Variants in PIK3CG observed in about 807,000 individuals in gnomAD.
PIK3CG encodes phosphatidylinositol-4,5-bisphosphate 3-kinase catalytic subunit gamma.
Under a neutral mutation model 102.3 loss-of-function variants are expected in PIK3CG, and 55 were observed. The ratio of observed to expected loss-of-function variants is 0.54; its 90% confidence interval spans 0.43 to 0.67. The LOEUF (loss-of-function observed/expected upper bound fraction) is 0.67, where lower values mean the gene tolerates loss of function less well. Among genes scored for constraint, PIK3CG ranks in the 30% least tolerant of loss-of-function variants. The pLI is 0.00. For synonymous variants in PIK3CG, 552 were observed against 540.0 expected, an observed-to-expected ratio of 1.02 and a Z score of -0.31; for missense variants, 1,258 against 1,391.8, an observed-to-expected ratio of 0.90 and a Z score of 1.53.
In PIK3CG at chr7:106,867,445, T is replaced by C. The variant is rs1313808720; in HGVS notation, c.-12-105T>C. ...AAAATACTTGGTCCCTCTGGGTCCC[T>C]GTGCACATGTACGCCGCCTATACCT... On this transcript the variant is annotated intron_variant, in intron 1 of 10. Coordinates refer to ENST00000496166, the MANE Select transcript of PIK3CG (RefSeq NM_001282426.2). The surrounding 1 kb of genome is among the most constrained non-coding windows in gnomAD (Gnocchi z 5.1). 1 of 1,024,656 alleles carries C rather than the reference T, an allele frequency of 9.8e-7. No individual in the cohort carries two copies. The highest frequency in any genetic ancestry group is 2.4e-5 in the East Asian group (1 of 41,608). 63.5% of individuals were successfully genotyped at this position (1,024,656 alleles called of 1,614,324 possible).
In PIK3CG at chr7:106,867,684, G is replaced by A. The variant is rs2116419112; in HGVS notation, c.123G>A (p.Glu41=). ...CCTCCATGGAGCTCATCCCCATCGA[G>A]TTCGTGCTGCCCACCAGCCAGCGCA... ...SLSSMELIPI[E]FVLPTSQRKC... The change falls in exon 2 of 11, where the codon GAG becomes GAA. Residue 41 remains glutamate (E), a synonymous_variant. Coordinates refer to ENST00000496166, the MANE Select transcript of PIK3CG (RefSeq NM_001282426.2). This position sits in a 1 kb window ranked among gnomAD's most constrained non-coding sequence, Gnocchi z 5.1. 6.2e-7 allele frequency: 1 copy of A among 1,613,328 alleles called. No individual in the cohort carries two copies. The highest frequency in any genetic ancestry group is 8.5e-7 in the Non-Finnish European group (1 of 1,180,000).
At chr7:106,882,917 CAAAAAA>C (rs552794683) in intron 7 of PIK3CG, 110 bp from the exon 8 acceptor site, 84 of 414,332 alleles carry the variant, frequency 2.0e-4, no homozygotes, top group Middle Eastern at 1.4e-3. Context: ...GCTCTCTGGT[CAAAAAA>C]AAAAAAAAAA....
rs571080689 is a variant in PIK3CG, at chr7:106,906,831, C to CTTTT, written c.*1458_*1461dup. The CTTTT allele has an allele frequency of 2.8e-5, 5 of 181,306 alleles. No homozygotes were observed. Among genetic ancestry groups the CTTTT allele is most frequent in the Admixed American group, 7.0e-5 (1 of 14,236 alleles). The allele number at this position is 181,306 out of a possible 1,614,324, so 11.2% of individuals were successfully genotyped here. A position where few individuals can be genotyped will look rare whatever the true frequency, so the allele number is the denominator to read the frequency against. Reference sequence around the variant, plus strand: ...GACTTTGAGGTAGTCCAGACCTTTTCTTTTTTTTTTTTTTTTTAATGTGTG... The same window carrying CTTTT: ...GACTTTGAGGTAGTCCAGACCTTTTCTTTTTTTTTTTTTTTTTTTTTAATGTGTG... On this transcript the variant is annotated 3_prime_UTR_variant, in exon 11 of 11. Transcript: ENST00000496166.
Position 106,905,598 on chromosome 7 carries a change from G to T in PIK3CG, c.*211G>T, listed in dbSNP as rs1791665947. 1.8e-6 allele frequency: 1 copy of T among 549,324 alleles called. No individual in the cohort carries two copies. The highest frequency in any genetic ancestry group is 3.2e-6 in the Non-Finnish European group (1 of 314,580). The allele number at this position is 549,324 out of a possible 1,614,324, so 34.0% of individuals were successfully genotyped here. A position where few individuals can be genotyped will look rare whatever the true frequency, so the allele number is the denominator to read the frequency against. On this transcript the variant is annotated 3_prime_UTR_variant, in exon 11 of 11. Transcript: ENST00000496166. This position sits in a 1 kb window ranked among gnomAD's most constrained non-coding sequence, Gnocchi z 5.6. ...ATGTCCAGTGCTAGGATTATTTGCA[G>T]GTTTGGTTTTTTCTCATTTGTCTGT...
Position 106,891,649 on chromosome 7 carries a change from G to A in PIK3CG, c.3030+5357G>A, listed in dbSNP as rs1313150468. Among the ~76,000 whole-genome samples the A allele has an allele frequency of 2.0e-5, 3 of 152,252 alleles. No homozygotes were observed. Among genetic ancestry groups the A allele is most frequent in the Non-Finnish European group, 4.4e-5 (3 of 68,014 alleles). On this transcript the variant is annotated intron_variant, in intron 10 of 10. Coordinates refer to ENST00000496166, the MANE Select transcript of PIK3CG (RefSeq NM_001282426.2). This position sits in a 1 kb window ranked among gnomAD's most constrained non-coding sequence, Gnocchi z 4.4. The stretch of plus-strand genomic sequence containing the variant: ...CACCAAGCAAATCTGAAGTCATCAG[G>A]GGAGCCAAATAACACATCTACAGAC...
In PIK3CG at chr7:106,868,813, A is replaced by G. The variant is rs190369559; in HGVS notation, c.1252A>G (p.Ile418Val). 11 of 1,614,224 alleles carry G rather than the reference A, an allele frequency of 6.8e-6. No homozygotes were observed. The Admixed American group carries it at 1.7e-4, about 24-fold the overall frequency. ...VLWNVWLEFS[I>V]KIKDLPKGAL... ...GTGGAATGTGTGGCTTGAGTTCAGTATCAAAATCAAAGACTTGCCCAAAGG... is the reference window on the plus strand; with the variant it reads ...GTGGAATGTGTGGCTTGAGTTCAGTGTCAAAATCAAAGACTTGCCCAAAGG... Residue 418 changes from isoleucine (I) to valine (V), a missense_variant, in exon 2 of 11, where the codon ATC becomes GTC. This residue lies in a region of PIK3CG where 832 missense variants were observed against 787.5 expected (regional missense o/e 1.06). Transcript: ENST00000496166. This position sits in a 1 kb window ranked among gnomAD's most constrained non-coding sequence, Gnocchi z 6.2.
In PIK3CG at chr7:106,867,601, G is replaced by T. The variant is rs1584314339; in HGVS notation, c.40G>T (p.Glu14Ter). The change falls in exon 2 of 11, where the codon GAG becomes TAG. Residue 14 changes from glutamate to a stop codon, truncating the protein, a stop_gained. Coordinates refer to ENST00000496166, the MANE Select transcript of PIK3CG (RefSeq NM_001282426.2). LOFTEE classifies it high-confidence loss of function. The surrounding 1 kb of genome is among the most constrained non-coding windows in gnomAD (Gnocchi z 5.1). ...ENYKQPVVLR[E>*]DNCRRRRRMK... Reference sequence around the variant, plus strand: ...CTATAAACAGCCCGTGGTGCTGAGAGAGGACAACTGCCGAAGGCGCCGGAG... The same window carrying T: ...CTATAAACAGCCCGTGGTGCTGAGATAGGACAACTGCCGAAGGCGCCGGAG... 2.5e-6 allele frequency: 4 copies of T among 1,605,836 alleles called. No homozygotes were observed. The East Asian group carries it at 8.9e-5, about 36-fold the overall frequency.
rs1035748102 is a variant in PIK3CG at position 106,897,886 on chromosome 7, G to C, written c.3031-7223G>C. 1.3e-5 allele frequency among the ~76,000 whole-genome samples: 2 copies of C among 151,992 alleles called. No individual in the cohort carries two copies. Among genetic ancestry groups the C allele is most frequent in the East Asian group, 3.9e-4 (2 of 5,186 alleles). ...TGGTAGAATGATTTCTATTCCTCTG[G>C]GTATATACCCAGTAATGGGATTTCT... On this transcript the variant is annotated intron_variant, in intron 10 of 10. Coordinates refer to ENST00000496166, the MANE Select transcript of PIK3CG (RefSeq NM_001282426.2). This position sits in a 1 kb window ranked among gnomAD's most constrained non-coding sequence, Gnocchi z 4.6.
intron 10 of PIK3CG, among the ~76,000 whole-genome samples, chr7:106,900,372 G>A (rs1791514467): frequency 6.6e-6 from 1 of 151,966 alleles, no homozygotes; most frequent in African/African-American, 2.4e-5. Context: ...CTTAAATTAG[G>A]ACAAACCCCT....
chr7:106,900,242 T>C (rs943074259), intron 10 of PIK3CG, among the ~76,000 whole-genome samples: 1 of 151,984 alleles, frequency 6.6e-6, no homozygotes, highest in Non-Finnish European at 1.5e-5. Context: ...TATATATATT[T>C]AGGCTACTTT....
rs1790883659 is a variant in PIK3CG at position 106,879,960 on chromosome 7, T to C, written c.2538+295T>C. ...ACACCCCATTCTAAGCTTGATAACA[T>C]AGAAAATAGCCATATTTATCCCCAG... On this transcript the variant is annotated intron_variant, in intron 6 of 10. Coordinates refer to ENST00000496166, the MANE Select transcript of PIK3CG (RefSeq NM_001282426.2). This position sits in a 1 kb window ranked among gnomAD's most constrained non-coding sequence, Gnocchi z 4.9. 6.6e-6 allele frequency among the ~76,000 whole-genome samples: 1 copy of C among 152,202 alleles called. No homozygotes were observed. Among genetic ancestry groups the C allele is most frequent in the Admixed American group, 6.5e-5 (1 of 15,278 alleles).
rs140765012 is a variant in PIK3CG, at chr7:106,869,088, C to A, written c.1527C>A (p.Asp509Glu). ...ADKLTSATNP[D>E]KENSMSISIL... is the part of the protein sequence containing the mutation. ...AACTCACGTCTGCAACTAACCCAGA[C>A]AAGGAGAACTCAATGTCCATCTCCA... is the stretch of plus-strand genomic sequence containing the variant. The change falls in exon 2 of 11, where the codon GAC becomes GAA. Residue 509 changes from aspartate to glutamate, a missense_variant. Physicochemically the swap from Asp to Glu is conservative, Grantham distance 45. Around this residue, in one of 2 missense-constraint regions of PIK3CG, gnomAD observed 832 missense variants for 787.5 expected, o/e 1.06. Transcript: ENST00000496166. This position sits in a 1 kb window ranked among gnomAD's most constrained non-coding sequence, Gnocchi z 5.3. 1.9e-5 allele frequency: 30 copies of A among 1,614,102 alleles called. No homozygotes were observed. The highest frequency in any genetic ancestry group is 2.4e-5 in the Non-Finnish European group (28 of 1,180,054).
At chr7:106,904,451 C>T (rs1336800109) in intron 10 of PIK3CG, among the ~76,000 whole-genome samples, 1 of 152,184 alleles carries the variant, frequency 6.6e-6, no homozygotes, top group African/African-American at 2.4e-5. Context: ...CATAACCATA[C>T]CTGTTGCTTA....
intron 4 of PIK3CG, among the ~76,000 whole-genome samples, chr7:106,873,838 A>G (rs901873709): frequency 6.6e-6 from 1 of 152,072 alleles, no homozygotes; most frequent in Non-Finnish European, 1.5e-5. Flanking sequence ...CCCTAGGAAA[A>G]TTAATCACTC....
chr7:106,865,879 CAT>C (rs1208362276), intron 1 of PIK3CG: 1 of 152,184 alleles, frequency 6.6e-6, no homozygotes, highest in African/African-American at 2.4e-5. Flanking sequence ...TAAATTTGGA[CAT>C]GTTTTATTTC....
intron 5 of PIK3CG, among the ~76,000 whole-genome samples, chr7:106,878,684 C>T (rs1006976026): frequency 3.9e-4 from 60 of 152,114 alleles, no homozygotes; most frequent in African/African-American, 1.4e-3. Flanking sequence ...TATGGCAGGA[C>T]GGCAACTCCC....
At chr7:106,885,424 G>C (rs993004473) in intron 9 of PIK3CG, among the ~76,000 whole-genome samples, 1 of 152,142 alleles carries the variant, frequency 6.6e-6, no homozygotes, top group African/African-American at 2.4e-5. Context: ...GTAGTCAGTA[G>C]TGGCCACCAA....
At chr7:106,901,642 T>C (rs1791557622) in intron 10 of PIK3CG, among the ~76,000 whole-genome samples, 1 of 152,202 alleles carries the variant, frequency 6.6e-6, no homozygotes, top group African/African-American at 2.4e-5. Flanking sequence ...ATTTGGCCAT[T>C]TGAGTCACGA....
chr7:106,872,041 A>C lies in PIK3CG; in HGVS notation c.1996-496A>C, dbSNP rs941160916. 2.0e-5 allele frequency among the ~76,000 whole-genome samples: 3 copies of C among 152,222 alleles called. No homozygotes were observed. The highest frequency in any genetic ancestry group is 4.8e-5 in the African/African-American group (2 of 41,456). On this transcript the variant is annotated intron_variant, in intron 2 of 10. Coordinates refer to ENST00000496166, the MANE Select transcript of PIK3CG (RefSeq NM_001282426.2). This position sits in a 1 kb window ranked among gnomAD's most constrained non-coding sequence, Gnocchi z 5.3. Reference sequence around the variant, plus strand: ...GAGACAGTTCAGTGACTTGCCAGTGAGATGCCGAAAAGGGAAGCTATAGGG... The same window carrying C: ...GAGACAGTTCAGTGACTTGCCAGTGCGATGCCGAAAAGGGAAGCTATAGGG...
Sources: allele counts gnomAD v4.1 joint callset (sites outside exome capture counted in the v4.1 genomes callset), GRCh38; gene constraint gnomAD v4.1.1; regional missense constraint gnomAD v4.1.1; non-coding constraint Gnocchi (gnomAD v3.1); transcripts MANE v1.5; gene names NCBI Gene and HGNC (gene_info 2026-07-23, HGNC 2026-07-21).